The following DNAH7 variants were observed in gnomAD, a reference collection of about 807,000 sequenced individuals.
The protein encoded by DNAH7 is dynein axonemal heavy chain 7.
DNAH7 carries 397 observed loss-of-function variants against 444.6 expected under a neutral mutation model. That is an observed-to-expected ratio of 0.89 (90% CI 0.82 to 0.97). The LOEUF (loss-of-function observed/expected upper bound fraction) is 0.97. Among genes scored for constraint, DNAH7 ranks in the 50% least tolerant of loss-of-function variants. The pLI is 0.00. For missense variants in DNAH7, 4,902 were observed against 4,800.8 expected (o/e 1.02, Z -0.62); for synonymous variants, 1,636 against 1,624.4 (o/e 1.01, Z -0.17).
At position 195,824,431 on chromosome 2, in the gene DNAH7, C is replaced by A. The variant is rs2124916219; in HGVS notation, c.9115G>T (p.Val3039Phe). ...AAAATAGGATCTAGTTCTTCGCCAA[C>A]ATTTTCTAGCAACACTGGAGTAAAA... ...QFGTPVLLEN[V>F]GEELDPILEP... Residue 3039 changes from valine to phenylalanine, a missense_variant, in exon 49 of 65, where the codon GTT (valine) becomes TTT (phenylalanine). Transcript: ENST00000312428. The A allele has an allele frequency of 6.2e-7, 1 of 1,603,440 alleles. No homozygotes were observed. The highest frequency in any genetic ancestry group is 2.2e-5 in the East Asian group (1 of 44,614).
intron 36 of DNAH7, 73 bp downstream of exon 36, chr2:195,881,718 ATTAT>A: frequency 1.4e-6 from 2 of 1,435,572 alleles, no homozygotes; most frequent in South Asian, 1.3e-5. Context: ...TTTTTAAAAA[ATTAT>A]TTGTCTGCTA....
chr2:195,943,137 T>G (rs1689572329), intron 19 of DNAH7, among the ~76,000 whole-genome samples: 1 of 152,172 alleles, frequency 6.6e-6, no homozygotes, highest in Admixed American at 6.6e-5. Context: ...CCACCATGAT[T>G]GTGAGGCCTC....
intron 61 of DNAH7, among the ~76,000 whole-genome samples, chr2:195,758,884 A>T (rs1222154418): frequency 6.6e-6 from 1 of 152,246 alleles, no homozygotes; most frequent in Non-Finnish European, 1.5e-5. Context: ...CAGCAGTTGG[A>T]ACAGGAGTTT....
chr2:195,845,119 G>C lies in DNAH7; in HGVS notation c.8828C>G (p.Pro2943Arg). ...CATAAGAGAGCAATCATCTGAGCAG[G>C]GGATATCTCTTCCTTTGCACAAAGT... ...WTTLCKGRDIPCSDDCSLMGT... is the reference protein window; with the variant it reads ...WTTLCKGRDIRCSDDCSLMGT... Residue 2943 changes from proline (P) to arginine (R), a missense_variant, in exon 47 of 65, where the codon CCC becomes CGC. Coordinates refer to ENST00000312428, the MANE Select transcript of DNAH7 (RefSeq NM_018897.3). The C allele has an allele frequency of 6.2e-7, 1 of 1,613,348 alleles. No individual in the cohort carries two copies. Among genetic ancestry groups the C allele is most frequent in the Non-Finnish European group, 8.5e-7 (1 of 1,179,716 alleles).
intron 63 of DNAH7, among the ~76,000 whole-genome samples, chr2:195,745,291 G>A (rs1365048286): frequency 1.3e-5 from 2 of 152,062 alleles, no homozygotes; most frequent in Non-Finnish European, 2.9e-5. Flanking sequence ...GAAGCGAGAA[G>A]GGAAGTTTAG....
intron 46 of DNAH7, among the ~76,000 whole-genome samples, chr2:195,851,161 C>T (rs996585176): frequency 5.3e-5 from 8 of 152,154 alleles, no homozygotes; most frequent in Admixed American, 3.9e-4. Flanking sequence ...AACCCTTACG[C>T]TGAGAATTGA....
chr2:195,899,732 GAACT>G (rs1220901472), intron 28 of DNAH7, among the ~76,000 whole-genome samples: 8 of 152,040 alleles, frequency 5.3e-5, no homozygotes, highest in Admixed American at 2.0e-4. Context: ...ATTTCATAAA[GAACT>G]AACTAATGTA....
At chr2:195,766,958 C>T (rs935890147) in intron 61 of DNAH7, among the ~76,000 whole-genome samples, 2 of 152,046 alleles carry the variant, frequency 1.3e-5, no homozygotes, top group African/African-American at 4.8e-5. Flanking sequence ...CTGGTTACTT[C>T]TCTTTTTTTG....
intron 49 of DNAH7, among the ~76,000 whole-genome samples, chr2:195,820,159 C>T (rs16840255): frequency 0.023 from 3,493 of 152,116 alleles, 116 homozygotes; most frequent in African/African-American, 0.08. Flanking sequence ...TGTGTGCAGT[C>T]GGCAATATTA....
At chr2:195,867,478 A>G (rs964729351) in intron 40 of DNAH7, among the ~76,000 whole-genome samples, 4 of 152,220 alleles carry the variant, frequency 2.6e-5, no homozygotes, top group Non-Finnish European at 5.9e-5. Context: ...TCATTCTTTA[A>G]AAGAATACAG....
At chr2:195,888,032 C>A (rs1186755663) in intron 33 of DNAH7, among the ~76,000 whole-genome samples, 2 of 151,954 alleles carry the variant, frequency 1.3e-5, no homozygotes, top group African/African-American at 4.8e-5. Context: ...GTTATGCGGG[C>A]CTTTGAGTTC....
At chr2:196,001,568 A>G in intron 11 of DNAH7, 107 bp downstream of exon 11, 3 of 1,098,140 alleles carry the variant, frequency 2.7e-6, no homozygotes, top group Non-Finnish European at 3.7e-6. Context: ...ATAGGTCTAA[A>G]GATGTACTTT....
In DNAH7 at chr2:195,794,589, T is replaced by G. The variant is rs750396606; in HGVS notation, c.10516-51A>C. On this transcript the variant is annotated intron_variant, in intron 56 of 64. Coordinates refer to ENST00000312428, the MANE Select transcript of DNAH7 (RefSeq NM_018897.3). Reference sequence around the variant, plus strand: ...AAGAGTAAATAAAACCCAAAGAAAATCTCAAAAGCATACATATGAAGGATG... The same window carrying G: ...AAGAGTAAATAAAACCCAAAGAAAAGCTCAAAAGCATACATATGAAGGATG... The G allele has an allele frequency of 2.6e-6, 4 of 1,559,240 alleles. No homozygotes were observed. In the South Asian group the frequency reaches 3.3e-5, roughly 13 times the overall value.
chr2:195,919,075 T>G (rs573621615), intron 24 of DNAH7, among the ~76,000 whole-genome samples: 1 of 151,820 alleles, frequency 6.6e-6, no homozygotes, highest in South Asian at 2.1e-4. Context: ...ATGGTGAAAC[T>G]CTGTCTCTAC....
chr2:195,802,501 A>C, intron 54 of DNAH7, among the ~76,000 whole-genome samples: 1 of 152,062 alleles, frequency 6.6e-6, no homozygotes, highest in Non-Finnish European at 1.5e-5. Context: ...ACTCCATCTC[A>C]AAAAAATTTT....
intron 58 of DNAH7, among the ~76,000 whole-genome samples, chr2:195,781,851 T>C (rs1422173207): frequency 6.6e-6 from 1 of 152,144 alleles, no homozygotes; most frequent in Non-Finnish European, 1.5e-5. Flanking sequence ...TATGTGTGTA[T>C]TGTGTTTATA....
chr2:195,837,989 G>T (rs1258277654), intron 47 of DNAH7, among the ~76,000 whole-genome samples: 1 of 152,086 alleles, frequency 6.6e-6, no homozygotes, highest in Non-Finnish European at 1.5e-5. Flanking sequence ...GTGGGGCAGG[G>T]GTAGGATAAA....
At position 195,891,675 on chromosome 2, in the gene DNAH7, TA is replaced by T; in HGVS notation, c.5025del (p.Phe1675LeufsTer8). ...EWSDGVLAVS[F>X]RAFASSVTPD... ...CTTACCACTGAAGAGGCAAATGCTCTAAAACTGACAGCAAGGACCCCATCAG... is the reference window on the plus strand; with the variant it reads ...CTTACCACTGAAGAGGCAAATGCTCTAAACTGACAGCAAGGACCCCATCAG... On this transcript the variant is annotated frameshift_variant, in exon 31 of 65. Transcript: ENST00000312428. LOFTEE classifies it high-confidence loss of function. 1 of 1,595,252 alleles carries T rather than the reference TA, an allele frequency of 6.3e-7. No individual in the cohort carries two copies. The highest frequency in any genetic ancestry group is 1.7e-5 in the Admixed American group (1 of 57,378).
intron 63 of DNAH7, among the ~76,000 whole-genome samples, chr2:195,753,218 T>C (rs1693888969): frequency 6.6e-6 from 1 of 151,276 alleles, no homozygotes. Flanking sequence ...TCTCTTCAGA[T>C]GGCTTTTTTT....
Sources: allele counts gnomAD v4.1 joint callset (sites outside exome capture counted in the v4.1 genomes callset), GRCh38; gene constraint gnomAD v4.1.1; transcripts MANE v1.5; gene names NCBI Gene and HGNC (gene_info 2026-07-23, HGNC 2026-07-21).